The following CNTN5 variants were observed in gnomAD, a reference collection of about 807,000 sequenced individuals.
CNTN5 encodes contactin-5.
A neutral mutation model predicts 129.1 loss-of-function variants in CNTN5; 77 were observed. The observed-to-expected ratio is 0.60, with a 90% CI of 0.50 to 0.72. The LOEUF (loss-of-function observed/expected upper bound fraction) is 0.72. Ranked by LOEUF, CNTN5 falls within the 30% of genes least tolerant of loss-of-function variation. The probability of loss-of-function intolerance (pLI) is 0.00; values close to 1 mark genes in which losing one functional copy is unlikely to be tolerated. For missense variants in CNTN5, 1,478 were observed against 1,328.8 expected (o/e 1.11, Z -1.75); for synonymous variants, 509 against 465.6 (o/e 1.09, Z -1.20).
chr11:99,180,814 C>T (rs1368022009), intron 1 of CNTN5, among the ~76,000 whole-genome samples: 1 of 152,202 alleles, frequency 6.6e-6, no homozygotes, highest in Non-Finnish European at 1.5e-5. Context: ...TAAAATACCA[C>T]ACCCACCATG....
At chr11:99,531,046 G>A (rs945776262) in intron 2 of CNTN5, among the ~76,000 whole-genome samples, 66 of 152,286 alleles carry the variant, frequency 4.3e-4, no homozygotes, top group African/African-American at 1.5e-3. Flanking sequence ...AGTTTGGAAG[G>A]CTCAGAAGAA....
At chr11:99,700,976 A>G (rs1954494908) in intron 3 of CNTN5, among the ~76,000 whole-genome samples, 1 of 151,486 alleles carries the variant, frequency 6.6e-6, no homozygotes, top group Non-Finnish European at 1.5e-5. Flanking sequence ...AACTACTAGC[A>G]GCAATGATGA....
In CNTN5 at chr11:99,179,341, T is replaced by A. The variant is rs540265453; in HGVS notation, c.-209-146005T>A. Among the ~76,000 whole-genome samples the A allele has an allele frequency of 1.1e-4, 16 of 152,028 alleles. 1 individual carries two copies. The South Asian group carries it at 3.3e-3, about 32-fold the overall frequency. On this transcript the variant is annotated intron_variant, in intron 1 of 24. Coordinates refer to ENST00000524871, the MANE Select transcript of CNTN5 (RefSeq NM_014361.4). ...CCTGCAATCTCAGCTACTTGAGAGT[T>A]TGAGGCAGGAGAATTGCTCGAACCT...
chr11:100,197,645 G>A (rs1377310570), intron 15 of CNTN5, among the ~76,000 whole-genome samples: 3 of 151,958 alleles, frequency 2.0e-5, no homozygotes, highest in Admixed American at 6.6e-5. Context: ...CTTAATGGAG[G>A]ACTGTGCTGA....
intron 9 of CNTN5, among the ~76,000 whole-genome samples, chr11:100,014,524 T>C (rs999595723): frequency 6.6e-6 from 1 of 152,048 alleles, no homozygotes; most frequent in Non-Finnish European, 1.5e-5. Flanking sequence ...GAGGTTGCAG[T>C]AAGCCGAGAT....
chr11:100,120,860 T>G (rs1484330483), intron 13 of CNTN5, among the ~76,000 whole-genome samples: 1 of 152,014 alleles, frequency 6.6e-6, no homozygotes, highest in Non-Finnish European at 1.5e-5. Context: ...TTTAAACTTA[T>G]TTTATTGTAA....
rs1948178222 is a variant in CNTN5, at chr11:99,860,759, A to C, written c.577+15497A>C. 2.0e-5 allele frequency among the ~76,000 whole-genome samples: 3 copies of C among 152,068 alleles called. No homozygotes were observed. In the South Asian group the frequency reaches 6.2e-4, roughly 32 times the overall value. ...ACCTCCAGCTTTGTTATTTTTGCTC[A>C]GGATTGCTTCGGCTATTTGAATGTT... On this transcript the variant is annotated intron_variant, in intron 6 of 24. Coordinates refer to ENST00000524871, the MANE Select transcript of CNTN5 (RefSeq NM_014361.4).
intron 1 of CNTN5, among the ~76,000 whole-genome samples, chr11:99,303,258 G>C (rs2135949836): frequency 6.6e-6 from 1 of 151,660 alleles, no homozygotes; most frequent in African/African-American, 2.4e-5. Flanking sequence ...TATACTATAT[G>C]CATATGTTGA....
chr11:100,157,450 T>G (rs1389072193), intron 13 of CNTN5, among the ~76,000 whole-genome samples: 1 of 151,604 alleles, frequency 6.6e-6, no homozygotes, highest in Non-Finnish European at 1.5e-5. Flanking sequence ...TCCAGTAGCA[T>G]TACAGAAATT....
intron 1 of CNTN5, among the ~76,000 whole-genome samples, chr11:99,163,864 T>G (rs2135520981): frequency 6.6e-6 from 1 of 152,370 alleles, no homozygotes; most frequent in African/African-American, 2.4e-5. Flanking sequence ...TAATTTATTG[T>G]TATGACATCT....
At chr11:99,162,090 TC>T (rs1414433787) in intron 1 of CNTN5, among the ~76,000 whole-genome samples, 7 of 152,062 alleles carry the variant, frequency 4.6e-5, no homozygotes, top group African/African-American at 9.7e-5. Flanking sequence ...TAATAGAACC[TC>T]CTTTTTTTTT....
At chr11:100,101,259 G>T (rs1175381458) in intron 13 of CNTN5, among the ~76,000 whole-genome samples, 2 of 152,070 alleles carry the variant, frequency 1.3e-5, no homozygotes, top group Non-Finnish European at 2.9e-5. Flanking sequence ...TAGCATTCAT[G>T]CAAGTTCAGT....
At chr11:99,892,074 A>G (rs984279506) in intron 6 of CNTN5, among the ~76,000 whole-genome samples, 5 of 151,942 alleles carry the variant, frequency 3.3e-5, no homozygotes, top group Non-Finnish European at 7.4e-5. Context: ...CATTTCTCTA[A>G]TGTAATGATG....
intron 13 of CNTN5, among the ~76,000 whole-genome samples, chr11:100,097,945 T>C (rs966181925): frequency 6.6e-6 from 1 of 151,948 alleles, no homozygotes; most frequent in East Asian, 1.9e-4. Context: ...AAATTAAACA[T>C]GGTAAAAGAA....
chr11:100,059,673 C>T (rs1943380881), intron 9 of CNTN5, among the ~76,000 whole-genome samples: 1 of 152,032 alleles, frequency 6.6e-6, no homozygotes, highest in Non-Finnish European at 1.5e-5. Context: ...AACAAAGCTT[C>T]AAGCAGATTG....
intron 8 of CNTN5, among the ~76,000 whole-genome samples, chr11:99,969,622 C>G (rs897530742): frequency 6.6e-6 from 1 of 152,126 alleles, no homozygotes; most frequent in Non-Finnish European, 1.5e-5. Flanking sequence ...TCAGCATTGT[C>G]TCAGCCTTCA....
At chr11:99,423,548 G>A (rs946774653) in intron 2 of CNTN5, among the ~76,000 whole-genome samples, 1 of 152,088 alleles carries the variant, frequency 6.6e-6, no homozygotes, top group African/African-American at 2.4e-5. Flanking sequence ...TGGGAACGGA[G>A]GAAAATCTAT....
intron 1 of CNTN5, among the ~76,000 whole-genome samples, chr11:99,249,308 A>G (rs1202717526): frequency 3.3e-5 from 5 of 152,066 alleles, no homozygotes; most frequent in Non-Finnish European, 7.4e-5. Context: ...ATTTTTGCAC[A>G]TTGATTTTGT....
At chr11:99,191,616 A>G (rs534705654) in intron 1 of CNTN5, among the ~76,000 whole-genome samples, 2 of 151,996 alleles carry the variant, frequency 1.3e-5, no homozygotes, top group African/African-American at 4.8e-5. Context: ...TATATCAAGT[A>G]TCTTTCCTGA....
Sources: gnomAD v4.1 joint callset for allele counts (sites outside exome capture counted in the v4.1 genomes callset) on GRCh38, gnomAD v4.1.1 for gene constraint, MANE v1.5 for transcripts, NCBI Gene and HGNC (gene_info 2026-07-23, HGNC 2026-07-21) for gene names.